The following PRKCZ variants were observed in gnomAD, a reference collection of about 807,000 sequenced individuals.
PRKCZ encodes the protein protein kinase C zeta.
PRKCZ carries 33 observed loss-of-function variants against 79.5 expected under a neutral mutation model. That is an observed-to-expected ratio of 0.41 (90% CI 0.31 to 0.55). The LOEUF (loss-of-function observed/expected upper bound fraction) is 0.55. Among genes scored for constraint, PRKCZ ranks in the 20% least tolerant of loss-of-function variants. The pLI, the probability that PRKCZ is intolerant of heterozygous loss-of-function variation, is 0.19. For missense variants in PRKCZ, 578 were observed against 813.5 expected (o/e 0.71, Z 3.52); for synonymous variants, 342 against 320.9 (o/e 1.07, Z -0.70).
intron 4 of PRKCZ, among the ~76,000 whole-genome samples, chr1:2,060,731 T>A (rs554859134): frequency 7.2e-5 from 11 of 152,242 alleles, no homozygotes; most frequent in African/African-American, 2.6e-4. Context: ...GGGCTGGACC[T>A]GCCGGCAGGA....
At chr1:2,148,775 G>A (rs764509271) in intron 7 of PRKCZ, 97 bp from the exon 8 acceptor site, 95 of 1,233,334 alleles carry the variant, frequency 7.7e-5, no homozygotes, top group East Asian at 1.7e-4. Flanking sequence ...ACCCTTCACC[G>A]TCACCCTGCA....
chr1:2,182,191 C>T, intron 16 of PRKCZ: 1 of 224,558 alleles, frequency 4.5e-6, no homozygotes, highest in Non-Finnish European at 9.1e-6. Flanking sequence ...ATTCCGTTCC[C>T]AGTTTGGCTT....
chr1:2,082,341 C>T lies in PRKCZ; in HGVS notation c.334+22750C>T, dbSNP rs758476944. The T allele has an allele frequency of 6.6e-6, 3 of 455,592 alleles. No homozygotes were observed. The highest frequency in any genetic ancestry group is 4.7e-5 in the South Asian group (3 of 64,436). The allele number at this position is 455,592 out of a possible 1,614,324, so 28.2% of individuals were successfully genotyped here. The stretch of plus-strand genomic sequence containing the variant: ...TCAAGATGGACTTGGCAAATCACCT[C>T]TTTCAAGTTGCCGGCTACCCGGCTG... On this transcript the variant is annotated intron_variant, in intron 4 of 17. Coordinates refer to ENST00000378567, the MANE Select transcript of PRKCZ (RefSeq NM_002744.6). The surrounding 1 kb of genome is among the most constrained non-coding windows in gnomAD (Gnocchi z 4.4).
chr1:2,057,514 C>T (rs538023619), intron 3 of PRKCZ, among the ~76,000 whole-genome samples: 8 of 152,278 alleles, frequency 5.3e-5, no homozygotes, highest in East Asian at 3.9e-4. Flanking sequence ...TCCTGGACAC[C>T]GGGCTACCTG....
chr1:2,176,554 T>C (rs1443743427), intron 16 of PRKCZ, among the ~76,000 whole-genome samples: 1 of 152,246 alleles, frequency 6.6e-6, no homozygotes, highest in Non-Finnish European at 1.5e-5. Flanking sequence ...ATAAAACCTT[T>C]AAAATACACT....
At chr1:2,124,670 C>T (rs1479017022) in intron 4 of PRKCZ, among the ~76,000 whole-genome samples, 4 of 152,092 alleles carry the variant, frequency 2.6e-5, no homozygotes, top group African/African-American at 7.2e-5. Context: ...GTGGCTGAGC[C>T]GACGGAGACA....
At chr1:2,118,282 C>T (rs1016765441) in intron 4 of PRKCZ, among the ~76,000 whole-genome samples, 29 of 151,664 alleles carry the variant, frequency 1.9e-4, no homozygotes, top group African/African-American at 7.0e-4. Context: ...CAGGTGTGAG[C>T]CACCATGCCT....
chr1:2,076,163 A>T (rs942916142), intron 4 of PRKCZ, among the ~76,000 whole-genome samples: 1 of 152,132 alleles, frequency 6.6e-6, no homozygotes, highest in Non-Finnish European at 1.5e-5. Context: ...GCCTGTGGGA[A>T]AGTGTGATGA....
intron 5 of PRKCZ, among the ~76,000 whole-genome samples, chr1:2,139,978 G>A (rs1676993068): frequency 6.6e-6 from 1 of 152,228 alleles, no homozygotes; most frequent in Non-Finnish European, 1.5e-5. Context: ...GGACAGCTGG[G>A]TGGATGGCCC....
chr1:2,170,746 G>C (rs577087619), intron 11 of PRKCZ, among the ~76,000 whole-genome samples: 5 of 152,210 alleles, frequency 3.3e-5, no homozygotes, highest in Non-Finnish European at 7.3e-5. Context: ...TGGAATCACA[G>C]TGTTGGTCCT....
At chr1:2,101,269 A>G (rs1667397877) in intron 4 of PRKCZ, among the ~76,000 whole-genome samples, 1 of 152,194 alleles carries the variant, frequency 6.6e-6, no homozygotes, top group African/African-American at 2.4e-5. Flanking sequence ...GCTGTCTTGC[A>G]TCTCAAATGT....
chr1:2,073,614 A>G (rs1571168800), intron 4 of PRKCZ: 1 of 988,380 alleles, frequency 1.0e-6, no homozygotes, highest in South Asian at 4.7e-5. Context: ...TTTTCCTGTG[A>G]CGTCAGCGTC....
chr1:2,110,891 G>C (rs1295850834), intron 4 of PRKCZ, among the ~76,000 whole-genome samples: 3 of 152,074 alleles, frequency 2.0e-5, no homozygotes, highest in Admixed American at 2.0e-4. Flanking sequence ...GCTGGTGGAC[G>C]GTGTAGTTCC....
At chr1:2,169,250 A>G (rs1386337282) in intron 10 of PRKCZ, 1 of 515,364 alleles carries the variant, frequency 1.9e-6, no homozygotes, top group Admixed American at 2.3e-5. Context: ...GCCCACCCAC[A>G]CTTCCCAAGT....
chr1:2,126,888 A>G (rs1327120624), intron 4 of PRKCZ, among the ~76,000 whole-genome samples: 1 of 152,102 alleles, frequency 6.6e-6, no homozygotes, highest in Non-Finnish European at 1.5e-5. Flanking sequence ...CCTTCGTATC[A>G]CTGACACCCT....
intron 4 of PRKCZ, among the ~76,000 whole-genome samples, chr1:2,105,823 C>T (rs565506220): frequency 6.6e-6 from 1 of 152,168 alleles, no homozygotes; most frequent in South Asian, 2.1e-4. Flanking sequence ...CCAGGTGATG[C>T]CGGGAAGGTC....
rs889080793 is a variant in PRKCZ, at chr1:2,165,542, C to T, written c.975-3976C>T. Among the ~76,000 whole-genome samples the T allele has an allele frequency of 3.3e-5, 5 of 152,222 alleles. No individual in the cohort carries two copies. The highest frequency in any genetic ancestry group is 1.9e-4 in the East Asian group (1 of 5,198). On this transcript the variant is annotated intron_variant, in intron 10 of 17. Coordinates refer to ENST00000378567, the MANE Select transcript of PRKCZ (RefSeq NM_002744.6). This position sits in a 1 kb window ranked among gnomAD's most constrained non-coding sequence, Gnocchi z 4.1. ...TGACGCTTACTGAGGGCCACACCAG[C>T]GGTCAGCAAAGGTTGTCTTAAAGGG...
intron 1 of PRKCZ, among the ~76,000 whole-genome samples, chr1:2,054,486 T>C (rs1345930721): frequency 6.6e-6 from 1 of 151,104 alleles, no homozygotes; most frequent in Admixed American, 6.6e-5. Context: ...TGCCTGGGAG[T>C]CCGTGAGCTT....
At chr1:2,090,016 C>T (rs1375650653) in intron 4 of PRKCZ, among the ~76,000 whole-genome samples, 1 of 152,226 alleles carries the variant, frequency 6.6e-6, no homozygotes, top group African/African-American at 2.4e-5. Flanking sequence ...GTCCCCTTGG[C>T]TGGTGGAGCC....
Sources: gnomAD v4.1 joint callset for allele counts (sites outside exome capture counted in the v4.1 genomes callset) on GRCh38, gnomAD v4.1.1 for gene constraint, Gnocchi (gnomAD v3.1) non-coding constraint, MANE v1.5 for transcripts, NCBI Gene and HGNC (gene_info 2026-07-23, HGNC 2026-07-21) for gene names.